Variants in PRPF18 observed in about 807,000 individuals in gnomAD.
PRPF18 encodes pre-mRNA-splicing factor 18.
In PRPF18, 38 loss-of-function variants were observed where a neutral mutation model predicts 46.5. The observed-to-expected ratio is 0.82, with a 90% CI of 0.63 to 1.07. The LOEUF is 1.07. Among genes scored for constraint, PRPF18 ranks in the 50% least tolerant of loss-of-function variants. The pLI, the probability that PRPF18 is intolerant of heterozygous loss-of-function variation, is 0.00. For missense variants in PRPF18, 263 were observed against 410.0 expected, an observed-to-expected ratio of 0.64 and a Z score of 3.10; for synonymous variants, 152 against 146.7, an observed-to-expected ratio of 1.04 and a Z score of -0.26.
rs187905141 is a variant in PRPF18, at chr10:13,593,426, C to A, written c.67-4032C>A. ...GTATCTTAGACATTATTTATGACCC[C>A]AAGGAGGTTTTTTCAGTGAAACAGA... On this transcript the variant is annotated intron_variant, in intron 1 of 9. Coordinates refer to ENST00000378572, the MANE Select transcript of PRPF18 (RefSeq NM_003675.4). Among the ~76,000 whole-genome samples, 234 of 152,210 alleles carry A rather than the reference C, an allele frequency of 1.5e-3. 1 individual carries two copies. The highest frequency in any genetic ancestry group is 5.3e-3 in the African/African-American group (222 of 41,522).
At chr10:13,636,472 T>C in the PRPF18 span, among the ~76,000 whole-genome samples, 8 of 152,172 alleles carry the variant, frequency 5.3e-5, no homozygotes, top group African/African-American at 1.9e-4. Flanking sequence ...CAAGAATAGT[T>C]GCAAGGAGTC....
chr10:13,644,651 G>A, the PRPF18 span: 2 of 152,210 alleles, frequency 1.3e-5, no homozygotes, highest in African/African-American at 4.8e-5. Flanking sequence ...TATGCATGAT[G>A]TAGAACATGT....
At chr10:13,597,093 A>G (rs1028737893) in intron 1 of PRPF18, among the ~76,000 whole-genome samples, 4 of 152,212 alleles carry the variant, frequency 2.6e-5, no homozygotes, top group African/African-American at 9.6e-5. Flanking sequence ...TAATTGAGGT[A>G]TACCATTTTA....
chr10:13,621,530 G>A (rs904143349), intron 9 of PRPF18, among the ~76,000 whole-genome samples: 1 of 152,176 alleles, frequency 6.6e-6, no homozygotes, highest in African/African-American at 2.4e-5. Context: ...GCTAGCCACA[G>A]CTTCCCAGGA....
rs370949448 is a variant in PRPF18, at chr10:13,603,171, CATG to C, written c.250-2457_250-2455del. On this transcript the variant is annotated intron_variant, in intron 3 of 9. Transcript: ENST00000378572. ...AGTGGTACATCAGTTAAGTAGTAGA[CATG>C]ATATGGGGAAGAAGTTCCTGCCTTT... 4.9e-4 allele frequency among the ~76,000 whole-genome samples: 75 copies of C among 152,264 alleles called. No homozygotes were observed. In the South Asian group the frequency reaches 0.012, roughly 24 times the overall value.
chr10:13,616,724 T>C (rs756386604), intron 9 of PRPF18, among the ~76,000 whole-genome samples, 171 bp downstream of exon 9: 8 of 152,130 alleles, frequency 5.3e-5, no homozygotes, highest in Non-Finnish European at 1.0e-4. Flanking sequence ...CTGAATAAAG[T>C]AAAAACCTTT....
At chr10:13,603,520 C>T (rs978437492) in intron 3 of PRPF18, among the ~76,000 whole-genome samples, 1 of 152,068 alleles carries the variant, frequency 6.6e-6, no homozygotes, top group Non-Finnish European at 1.5e-5. Context: ...GTTATAGCAC[C>T]CAATCTTAAG....
intron 6 of PRPF18, 31 bp downstream of exon 6, chr10:13,611,714 C>T (rs757961910): frequency 5.1e-6 from 8 of 1,579,624 alleles, no homozygotes; most frequent in Non-Finnish European, 6.1e-6. Flanking sequence ...GATGAGGATG[C>T]CTTGGATCCT....
chr10:13,627,652 G>C (rs17153620), intron 9 of PRPF18, among the ~76,000 whole-genome samples: 3 of 152,156 alleles, frequency 2.0e-5, no homozygotes, highest in African/African-American at 7.2e-5. Context: ...CCGCTCTGTG[G>C]TAACTACTTA....
Position 13,597,523 on chromosome 10 carries a change from A to T in PRPF18, c.132A>T (p.Arg44Ser). 1 of 1,610,970 alleles carries T rather than the reference A, an allele frequency of 6.2e-7. No homozygotes were observed. The highest frequency in any genetic ancestry group is 8.5e-7 in the Non-Finnish European group (1 of 1,178,364). Residue 44 changes from arginine (R) to serine (S), a missense_variant, in exon 2 of 10, where the codon AGA becomes AGT. By Grantham distance (110) the Arg-to-Ser change is moderately radical (BLOSUM62 -1). Around this residue, in one of 4 missense-constraint regions of PRPF18, gnomAD observed 71 missense variants for 69.2 expected, o/e 1.03. Coordinates refer to ENST00000378572, the MANE Select transcript of PRPF18 (RefSeq NM_003675.4). Reference sequence around the variant, plus strand: ...AAGAAGAGGAAGCATATTTTGAAAGATGTGGCTACAAGGTATGAATGTCTG... The same window carrying T: ...AAGAAGAGGAAGCATATTTTGAAAGTTGTGGCTACAAGGTATGAATGTCTG... ...AKKEEEAYFE[R>S]CGYKIQPKEE...
chr10:13,615,261 C>A (rs994796086), intron 8 of PRPF18, among the ~76,000 whole-genome samples: 1 of 152,182 alleles, frequency 6.6e-6, no homozygotes, highest in Non-Finnish European at 1.5e-5. Flanking sequence ...TTCTCGTGAT[C>A]ACATATCAGA....
chr10:13,598,420 T>G (rs2080064030), intron 2 of PRPF18, among the ~76,000 whole-genome samples: 1 of 152,168 alleles, frequency 6.6e-6, no homozygotes, highest in South Asian at 2.1e-4. Context: ...TGGGGAAAGT[T>G]CTGGAAATGG....
chr10:13,641,136 A>G, the PRPF18 span: 2 of 152,154 alleles, frequency 1.3e-5, no homozygotes, highest in African/African-American at 4.8e-5. Context: ...TTTACTTTCT[A>G]TTGGCCCCCT....
At chr10:13,647,554 G>T in the PRPF18 span, 1 of 152,142 alleles carries the variant, frequency 6.6e-6, no homozygotes. Context: ...TGTCCTGGAA[G>T]AACATTCAAA....
chr10:13,648,698 G>C, the PRPF18 span: 84 of 152,316 alleles, frequency 5.5e-4, no homozygotes, highest in African/African-American at 2.0e-3. Flanking sequence ...GACATCGGCT[G>C]GTACACGCTT....
intron 1 of PRPF18, among the ~76,000 whole-genome samples, chr10:13,590,289 G>T (rs1459076759): frequency 6.6e-6 from 1 of 151,804 alleles, no homozygotes; most frequent in East Asian, 1.9e-4. Flanking sequence ...CCAACAAAGG[G>T]CGTACATGAA....
At chr10:13,623,214 A>T (rs2080445917) in intron 9 of PRPF18, among the ~76,000 whole-genome samples, 1 of 152,206 alleles carries the variant, frequency 6.6e-6, no homozygotes, top group South Asian at 2.1e-4. Context: ...AAAAGAAAAA[A>T]AAAAAAGTTC....
the PRPF18 span, chr10:13,642,121 A>G: frequency 6.6e-6 from 1 of 152,202 alleles, no homozygotes; most frequent in Non-Finnish European, 1.5e-5. Context: ...CAGCTCTTCT[A>G]CTTTGTCTCT....
At chr10:13,628,384 C>T (rs2080542268) in intron 9 of PRPF18, among the ~76,000 whole-genome samples, 1 of 152,104 alleles carries the variant, frequency 6.6e-6, no homozygotes, top group South Asian at 2.1e-4. Flanking sequence ...CTGCAGATAC[C>T]AAAATCTGGA....
Sources: gnomAD v4.1 joint callset for allele counts (sites outside exome capture counted in the v4.1 genomes callset) on GRCh38, gnomAD v4.1.1 for gene constraint, gnomAD v4.1.1 regional missense constraint, MANE v1.5 for transcripts, NCBI Gene and HGNC (gene_info 2026-07-23, HGNC 2026-07-21) for gene names.